Variants in PRPH2 observed in about 807,000 individuals in gnomAD.
The protein encoded by PRPH2 is peripherin-2.
Under a neutral mutation model 31.3 loss-of-function variants are expected in PRPH2, and 17 were observed. The observed-to-expected ratio is 0.54, with a 90% confidence interval of 0.37 to 0.81. The LOEUF (loss-of-function observed/expected upper bound fraction) is 0.81. PRPH2 is among the 40% of genes least tolerant of loss of function. PRPH2 has a pLI of 0.00. For missense variants in PRPH2, 430 were observed against 439.7 expected, an observed-to-expected ratio of 0.98 and a Z score of 0.20; for synonymous variants, 165 against 184.4, an observed-to-expected ratio of 0.89 and a Z score of 0.85.
At position 42,698,119 on chromosome 6, in the gene PRPH2, CTG is replaced by C; in HGVS notation, c.*174_*175del. On this transcript the variant is annotated 3_prime_UTR_variant, in exon 3 of 3. Transcript: ENST00000230381. The stretch of plus-strand genomic sequence containing the variant: ...ACATTTTGGGTCAGTCATTCAACAA[CTG>C]TGTGTCAAATGCTTTTAGGGACCCT... 3 of 825,772 alleles carry C rather than the reference CTG, an allele frequency of 3.6e-6. No individual in the cohort carries two copies. Among genetic ancestry groups the C allele is most frequent in the African/African-American group, 1.7e-5 (1 of 58,684 alleles). The allele number at this position is 825,772 out of a possible 1,614,324, so 51.2% of individuals were successfully genotyped here.
intron 1 of PRPH2, among the ~76,000 whole-genome samples, chr6:42,707,229 T>G (rs1040912879): frequency 6.6e-6 from 1 of 152,146 alleles, no homozygotes; most frequent in East Asian, 1.9e-4. Context: ...CTGTGGAGTG[T>G]CCTGGATTTT....
At chr6:42,701,868 T>C (rs1358086579) in intron 2 of PRPH2, among the ~76,000 whole-genome samples, 1 of 151,846 alleles carries the variant, frequency 6.6e-6, no homozygotes, top group Non-Finnish European at 1.5e-5. Context: ...CTCTCCTCAT[T>C]CTACCCACCC....
At chr6:42,704,758 C>A in intron 1 of PRPH2, 147 bp from the exon 2 acceptor site, 2 of 1,272,734 alleles carry the variant, frequency 1.6e-6, no homozygotes, top group South Asian at 1.2e-5. Flanking sequence ...ACGTGCCAGT[C>A]ACTGTTCTAG....
intron 1 of PRPH2, among the ~76,000 whole-genome samples, chr6:42,719,053 C>T (rs916754608): frequency 6.6e-6 from 1 of 152,120 alleles, no homozygotes; most frequent in Non-Finnish European, 1.5e-5. Context: ...AAATAAAAGA[C>T]AGAGACAGAG....
At chr6:42,707,273 C>T (rs748310559) in intron 1 of PRPH2, among the ~76,000 whole-genome samples, 6 of 152,112 alleles carry the variant, frequency 3.9e-5, no homozygotes, top group South Asian at 2.1e-4. Context: ...ATTCCCATTG[C>T]GTGGATGGCA....
intron 1 of PRPH2, among the ~76,000 whole-genome samples, chr6:42,719,258 T>TC: frequency 6.6e-6 from 1 of 150,684 alleles, no homozygotes; most frequent in East Asian, 2.0e-4. Context: ...AACCCCCGCC[T>TC]CCCTGCTTCT....
intron 1 of PRPH2, among the ~76,000 whole-genome samples, chr6:42,719,113 G>A (rs933736615): frequency 1.5e-4 from 23 of 151,422 alleles, no homozygotes; most frequent in African/African-American, 5.1e-4. Flanking sequence ...TATAATAGAG[G>A]TAAATAAAAA....
intron 1 of PRPH2, among the ~76,000 whole-genome samples, chr6:42,716,611 G>GGTTGGTTTTTT (rs1761786543): frequency 1.4e-5 from 1 of 73,514 alleles, no homozygotes; most frequent in African/African-American, 7.0e-5. Flanking sequence ...TGGTTTGGTT[G>GGTTGGTTTTTT]GTTTTTTTTT....
intron 1 of PRPH2, among the ~76,000 whole-genome samples, chr6:42,705,599 A>AAAAAAAATATAT (rs1562424252): frequency 9.3e-5 from 2 of 21,578 alleles, no homozygotes; most frequent in African/African-American, 3.7e-4. Context: ...AAAAAAAAAA[A>AAAAAAAATATAT]ATATATATAT....
chr6:42,703,921 G>A (rs1800097160), intron 2 of PRPH2, among the ~76,000 whole-genome samples: 1 of 152,032 alleles, frequency 6.6e-6, no homozygotes, highest in Non-Finnish European at 1.5e-5. Flanking sequence ...CTAATGCAGT[G>A]AAAACCTGTC....
At chr6:42,716,355 T>C (rs1178242287) in intron 1 of PRPH2, among the ~76,000 whole-genome samples, 6 of 151,160 alleles carry the variant, frequency 4.0e-5, no homozygotes, top group African/African-American at 7.3e-5. Context: ...AAACCAGGAG[T>C]TCAAGACCAG....
chr6:42,715,209 A>G (rs1582774312), intron 1 of PRPH2, among the ~76,000 whole-genome samples: 1 of 152,048 alleles, frequency 6.6e-6, no homozygotes, highest in East Asian at 1.9e-4. Flanking sequence ...ACTCTGTCTC[A>G]AAAAAACAAA....
At chr6:42,702,743 GC>G (rs1800070757) in intron 2 of PRPH2, among the ~76,000 whole-genome samples, 1 of 151,654 alleles carries the variant, frequency 6.6e-6, no homozygotes, top group South Asian at 2.1e-4. Context: ...GGTGGTGCAC[GC>G]CTGTAATCAC....
At position 42,722,340 on chromosome 6, in the gene PRPH2, C is replaced by T. The variant is rs771729924; in HGVS notation, c.-6G>A. 7.4e-6 allele frequency: 12 copies of T among 1,613,354 alleles called. No homozygotes were observed. Among genetic ancestry groups the T allele is most frequent in the Non-Finnish European group, 1.0e-5 (12 of 1,180,022 alleles). ...TTGACTTTCAGTAGCGCCATGCTTG[C>T]CAAGTGTAGTCCGGGTTGCTTCCCA... On this transcript the variant is annotated 5_prime_UTR_variant, in exon 1 of 3. Coordinates refer to ENST00000230381, the MANE Select transcript of PRPH2 (RefSeq NM_000322.5). This position sits in a 1 kb window ranked among gnomAD's most constrained non-coding sequence, Gnocchi z 4.4.
intron 1 of PRPH2, among the ~76,000 whole-genome samples, chr6:42,705,127 C>G (rs1186857729): frequency 6.6e-6 from 1 of 152,184 alleles, no homozygotes; most frequent in Non-Finnish European, 1.5e-5. Flanking sequence ...CAGGCACAGT[C>G]CTTGCCCTCG....
intron 1 of PRPH2, among the ~76,000 whole-genome samples, chr6:42,711,481 C>T (rs762158510): frequency 1.3e-5 from 2 of 151,744 alleles, no homozygotes; most frequent in Non-Finnish European, 2.9e-5. Context: ...GAGCCCCAGT[C>T]TGAGGGGAGA....
At chr6:42,714,492 T>C (rs963109224) in intron 1 of PRPH2, among the ~76,000 whole-genome samples, 1 of 152,214 alleles carries the variant, frequency 6.6e-6, no homozygotes, top group African/African-American at 2.4e-5. Flanking sequence ...CATTGTATAG[T>C]GAGTGAATTA....
chr6:42,715,543 C>T (rs1047357967), intron 1 of PRPH2, among the ~76,000 whole-genome samples: 3 of 151,522 alleles, frequency 2.0e-5, no homozygotes, highest in African/African-American at 7.3e-5. Context: ...TGGAGGTGCA[C>T]GCCTGTAATC....
chr6:42,709,116 G>A (rs920510531), intron 1 of PRPH2, among the ~76,000 whole-genome samples: 8 of 151,696 alleles, frequency 5.3e-5, no homozygotes, highest in Non-Finnish European at 1.0e-4. Flanking sequence ...AGATCATGAG[G>A]TCAGGAGTTC....
Sources: allele counts gnomAD v4.1 joint callset (sites outside exome capture counted in the v4.1 genomes callset), GRCh38; gene constraint gnomAD v4.1.1; non-coding constraint Gnocchi (gnomAD v3.1); transcripts MANE v1.5; gene names NCBI Gene and HGNC (gene_info 2026-07-23, HGNC 2026-07-21).